Variants in NAV2 observed in about 807,000 individuals in gnomAD.
NAV2 encodes the protein neuron navigator 2.
A neutral mutation model predicts 223.2 loss-of-function variants in NAV2; 54 were observed. The ratio of observed to expected loss-of-function variants is 0.24; its 90% CI spans 0.19 to 0.30. NAV2 has a LOEUF of 0.30. NAV2 is among the 10% of genes least tolerant of loss of function. The pLI, the probability that NAV2 is intolerant of heterozygous loss-of-function variation, is 1.00. For synonymous variants in NAV2, 1,279 were observed against 1,239.3 expected, an observed-to-expected ratio of 1.03 and a Z score of -0.67; for missense variants, 2,806 against 3,147.5, an observed-to-expected ratio of 0.89 and a Z score of 2.60.
At chr11:19,696,006 C>T (rs1275579146) in intron 1 of NAV2, among the ~76,000 whole-genome samples, 3 of 150,420 alleles carry the variant, frequency 2.0e-5, no homozygotes, top group African/African-American at 7.3e-5. Context: ...GCTAATGGTT[C>T]CTTGAATGAG....
At chr11:20,064,982 T>C (rs1478830438) in intron 20 of NAV2, among the ~76,000 whole-genome samples, 1 of 152,114 alleles carries the variant, frequency 6.6e-6, no homozygotes, top group Non-Finnish European at 1.5e-5. Flanking sequence ...AAGGCTCCCA[T>C]TTACTGTCCT....
chr11:19,421,764 C>CTTTTTTTTT (rs373669949), intron 1 of NAV2, among the ~76,000 whole-genome samples: 8 of 84,540 alleles, frequency 9.5e-5, no homozygotes, highest in Admixed American at 1.8e-4. Flanking sequence ...AAGAGAGAGG[C>CTTTTTTTTT]TTTTTTTTTT....
intron 3 of NAV2, among the ~76,000 whole-genome samples, chr11:19,862,122 C>T (rs545932590): frequency 6.6e-6 from 1 of 152,302 alleles, no homozygotes; most frequent in Admixed American, 6.5e-5. Context: ...GAGAATCTTG[C>T]TTTCAATTTT....
chr11:19,667,737 A>G (rs2048455329), intron 1 of NAV2, among the ~76,000 whole-genome samples: 1 of 152,208 alleles, frequency 6.6e-6, no homozygotes, highest in Non-Finnish European at 1.5e-5. Flanking sequence ...CTTCTTTGCT[A>G]TGAGATTAGC....
At chr11:19,580,981 T>G (rs191598723) in intron 1 of NAV2, among the ~76,000 whole-genome samples, 1 of 152,356 alleles carries the variant, frequency 6.6e-6, no homozygotes, top group African/African-American at 2.4e-5. Context: ...GAATACAAAA[T>G]AGCATTTTGG....
intron 4 of NAV2, among the ~76,000 whole-genome samples, chr11:19,878,651 A>G (rs2063004379): frequency 6.6e-6 from 1 of 152,174 alleles, no homozygotes; most frequent in Non-Finnish European, 1.5e-5. Context: ...CAGAGCCTGG[A>G]GAAAGGGATG....
intron 6 of NAV2, among the ~76,000 whole-genome samples, chr11:19,895,452 G>C (rs1160887773): frequency 6.6e-6 from 1 of 152,208 alleles, no homozygotes; most frequent in African/African-American, 2.4e-5. Context: ...TACAGGCAGA[G>C]AGAATGAGAT....
chr11:19,701,811 G>A (rs902516611), intron 1 of NAV2, among the ~76,000 whole-genome samples: 1 of 152,154 alleles, frequency 6.6e-6, no homozygotes, highest in African/African-American at 2.4e-5. Context: ...GAAGCTCTGA[G>A]GTTTTATTTG....
intron 1 of NAV2, among the ~76,000 whole-genome samples, chr11:19,729,427 C>T (rs1187975969): frequency 1.3e-5 from 2 of 152,164 alleles, no homozygotes. Flanking sequence ...GGAATGTCAG[C>T]CACTAGGAAG....
intron 37 of NAV2, among the ~76,000 whole-genome samples, chr11:20,117,337 C>A (rs113333776): frequency 1.3e-5 from 2 of 152,094 alleles, no homozygotes; most frequent in South Asian, 2.1e-4. Flanking sequence ...ATTTATTAAG[C>A]GCTTACTATA....
At chr11:19,846,319 A>T (rs1338628318) in intron 3 of NAV2, among the ~76,000 whole-genome samples, 1 of 152,000 alleles carries the variant, frequency 6.6e-6, no homozygotes, top group African/African-American at 2.4e-5. Context: ...GGCAGCATCA[A>T]CTCCTTGTCC....
At chr11:20,031,393 G>A (rs1170101107) in intron 11 of NAV2, among the ~76,000 whole-genome samples, 2 of 152,146 alleles carry the variant, frequency 1.3e-5, no homozygotes, top group Non-Finnish European at 2.9e-5. Flanking sequence ...TGTCCTTACT[G>A]CCTGAGTGAA....
intron 6 of NAV2, among the ~76,000 whole-genome samples, chr11:19,918,960 T>C (rs11025326): frequency 0.33 from 50,636 of 152,024 alleles, 10,395 homozygotes; most frequent in Non-Finnish European, 0.46. Flanking sequence ...CTTGAAGGCA[T>C]ACACCATATA....
At chr11:19,345,448 G>C in the NAV2 span, among the ~76,000 whole-genome samples, 1 of 152,216 alleles carries the variant, frequency 6.6e-6, no homozygotes, top group African/African-American at 2.4e-5. This position sits in a 1 kb window ranked among gnomAD's most constrained non-coding sequence, Gnocchi z 5.2. Flanking sequence ...GCTGAGCTCC[G>C]GGGTCCAGAG....
chr11:19,778,905 T>A (rs1590458961), intron 1 of NAV2, among the ~76,000 whole-genome samples: 1 of 152,148 alleles, frequency 6.6e-6, no homozygotes, highest in Non-Finnish European at 1.5e-5. Context: ...TGGGTCCCGA[T>A]CTGAACTGCA....
intron 1 of NAV2, among the ~76,000 whole-genome samples, chr11:19,663,534 C>T (rs989520975): frequency 1.6e-4 from 25 of 152,294 alleles, no homozygotes; most frequent in African/African-American, 5.3e-4. Flanking sequence ...GTCCCCTGTC[C>T]CCGACCCCCA....
At chr11:19,351,351 C>T (rs1035855252) in intron 1 of NAV2, among the ~76,000 whole-genome samples, 2 of 152,186 alleles carry the variant, frequency 1.3e-5, no homozygotes, top group African/African-American at 2.4e-5. Context: ...AAGCCCCCTT[C>T]GGGATTCACA....
intron 28 of NAV2, 40 bp downstream of exon 28, chr11:20,092,408 C>T: frequency 1.9e-6 from 3 of 1,580,178 alleles, no homozygotes; most frequent in South Asian, 1.1e-5. Flanking sequence ...AATGGACCTA[C>T]AGCTGGCACC....
At chr11:19,420,050 C>A (rs1481481861) in intron 1 of NAV2, among the ~76,000 whole-genome samples, 1 of 152,148 alleles carries the variant, frequency 6.6e-6, no homozygotes, top group Non-Finnish European at 1.5e-5. Context: ...CTGAGTCAGT[C>A]TACTACGCCC....
Sources: allele counts gnomAD v4.1 joint callset (sites outside exome capture counted in the v4.1 genomes callset), GRCh38; gene constraint gnomAD v4.1.1; non-coding constraint Gnocchi (gnomAD v3.1); transcripts MANE v1.5; gene names NCBI Gene and HGNC (gene_info 2026-07-23, HGNC 2026-07-21).